The following SPATA21 variants were observed in gnomAD, a reference collection of about 807,000 sequenced individuals.
The protein encoded by SPATA21 is spermatogenesis-associated protein 21.
SPATA21 carries 47 observed loss-of-function variants against 54.8 expected under a neutral mutation model. That is an observed-to-expected ratio of 0.86 (90% CI 0.68 to 1.09). SPATA21 has a LOEUF of 1.09. SPATA21 is among the 50% of genes least tolerant of loss of function. The probability of loss-of-function intolerance (pLI) is 0.00; values close to 1 mark genes in which losing one functional copy is unlikely to be tolerated. For missense variants in SPATA21, 599 were observed against 596.4 expected (o/e 1.00, Z -0.05); for synonymous variants, 245 against 235.3 (o/e 1.04, Z -0.38).
At chr1:16,406,550 T>C (rs1217391230) in intron 7 of SPATA21, among the ~76,000 whole-genome samples, 7 of 152,104 alleles carry the variant, frequency 4.6e-5, no homozygotes, top group Non-Finnish European at 1.0e-4. Flanking sequence ...GAGAACAGCC[T>C]GGGCAACATA....
intron 10 of SPATA21, among the ~76,000 whole-genome samples, chr1:16,401,427 T>C (rs997508649): frequency 3.9e-5 from 6 of 152,098 alleles, no homozygotes. Flanking sequence ...TCTTGAGTAG[T>C]TGGGACCATA....
intron 10 of SPATA21, among the ~76,000 whole-genome samples, chr1:16,401,418 C>G (rs372603867): frequency 3.8e-4 from 58 of 152,260 alleles, no homozygotes; most frequent in South Asian, 2.5e-3. Flanking sequence ...GCCCTAGCCT[C>G]TTGAGTAGTT....
At chr1:16,417,541 C>T (rs915722372) in intron 5 of SPATA21, among the ~76,000 whole-genome samples, 5 of 151,566 alleles carry the variant, frequency 3.3e-5, no homozygotes, top group African/African-American at 4.9e-5. Flanking sequence ...CAGGTTCAAG[C>T]GATTCTCTCT....
rs1014870062 is a variant in SPATA21 at position 16,409,275 on chromosome 1, G to T, written c.588-72C>A. On this transcript the variant is annotated intron_variant, in intron 6 of 12. Coordinates refer to ENST00000335496, the MANE Select transcript of SPATA21 (RefSeq NM_198546.1). The surrounding 1 kb of genome is among the most constrained non-coding windows in gnomAD (Gnocchi z 4.1). ...CCTGCTGATAGCTAGGGGAGGGGTT[G>T]GGGGAGCCTGCAGGAGGAGGTCGTG... is the stretch of plus-strand genomic sequence containing the variant. 9.0e-6 allele frequency: 14 copies of T among 1,554,482 alleles called. No homozygotes were observed. The highest frequency in any genetic ancestry group is 1.7e-4 in the Middle Eastern group (1 of 5,946).
At chr1:16,430,019 TTAG>T in intron 3 of SPATA21, among the ~76,000 whole-genome samples, 1 of 142,360 alleles carries the variant, frequency 7.0e-6, no homozygotes, top group African/African-American at 2.6e-5. Context: ...ACAAAAAAAA[TTAG>T]ACGGAAATCA....
rs565795315 is a variant in SPATA21, at chr1:16,409,718, G to C, written c.470C>G (p.Pro157Arg). 5 of 1,611,944 alleles carry C rather than the reference G, an allele frequency of 3.1e-6. No individual in the cohort carries two copies. The South Asian group carries it at 3.3e-5, about 11-fold the overall frequency. Residue 157 changes from proline (P) to arginine (R), a missense_variant, in exon 6 of 13, where the codon CCG (proline) becomes CGG (arginine). By Grantham distance (103) the Pro-to-Arg change is moderately radical. Coordinates refer to ENST00000335496, the MANE Select transcript of SPATA21 (RefSeq NM_198546.1). This position sits in a 1 kb window ranked among gnomAD's most constrained non-coding sequence, Gnocchi z 4.1. ...PGPEPAPMGA[P>R]VPTSMPCPVL... ...AGGGCAAGGCATGGAGGTGGGGACC[G>C]GGGCTCCCATGGGGGCAGGTTCTGG...
intron 5 of SPATA21, among the ~76,000 whole-genome samples, chr1:16,416,656 G>T (rs1002769340): frequency 4.7e-5 from 7 of 148,718 alleles, no homozygotes; most frequent in African/African-American, 7.5e-5. Flanking sequence ...ACTCCAGCCT[G>T]GGCGACAGAG....
chr1:16,422,892 G>C (rs1248566752), intron 3 of SPATA21, among the ~76,000 whole-genome samples: 1 of 152,104 alleles, frequency 6.6e-6, no homozygotes, highest in Non-Finnish European at 1.5e-5. Flanking sequence ...GCCAGGTGTG[G>C]TGGTTCACAC....
chr1:16,424,222 A>G (rs1398415753), intron 3 of SPATA21, among the ~76,000 whole-genome samples: 1 of 6,578 alleles, frequency 1.5e-4, no homozygotes, highest in Non-Finnish European at 2.8e-4. Context: ...CTGAGGCAGG[A>G]GAATGGCATG....
Position 16,399,345 on chromosome 1 carries a change from T to A in SPATA21, c.1351A>T (p.Arg451Trp), listed in dbSNP as rs1312680824. Residue 451 changes from arginine to tryptophan, a missense_variant and splice_region_variant, in exon 12 of 13, where the codon AGG (arginine) becomes TGG (tryptophan). Coordinates refer to ENST00000335496, the MANE Select transcript of SPATA21 (RefSeq NM_198546.1). The stretch of plus-strand genomic sequence containing the variant: ...GGGACCCTTTCTCTGGGCACCCACC[T>A]GTTTCCTTGAGATCCTGACTGGAAG... The part of the protein sequence containing the change: ...PFFQSGSQGN[R>W]EHNSDSRKWL... 6.2e-7 allele frequency: 1 copy of A among 1,609,298 alleles called. No homozygotes were observed. Among genetic ancestry groups the A allele is most frequent in the East Asian group, 2.2e-5 (1 of 44,736 alleles).
intron 2 of SPATA21, 127 bp from the exon 3 acceptor site, chr1:16,431,549 G>C: frequency 2.4e-6 from 2 of 834,294 alleles, no homozygotes; most frequent in Non-Finnish European, 3.6e-6. Flanking sequence ...GCCTTGCAAG[G>C]AGAGGCACGC....
At chr1:16,398,875 C>A in intron 12 of SPATA21, 53 bp from the exon 13 acceptor site, 1 of 1,573,288 alleles carries the variant, frequency 6.4e-7, no homozygotes, top group Non-Finnish European at 8.7e-7. Flanking sequence ...CTTTCCCTAT[C>A]TGCCAGTATA....
At position 16,421,563 on chromosome 1, in the gene SPATA21, T is replaced by C. The variant is rs1054297724; in HGVS notation, c.96-6A>G. On this transcript the variant is annotated splice_region_variant and splice_polypyrimidine_tract_variant and intron_variant, in intron 4 of 12. Coordinates refer to ENST00000335496, the MANE Select transcript of SPATA21 (RefSeq NM_198546.1). The surrounding 1 kb of genome is among the most constrained non-coding windows in gnomAD (Gnocchi z 5.2). ...GGGTCTCCACAGCCTCACCCCTGAATAGAAGAGAAACCCCCAGGTGGGGGA... is the reference window on the plus strand; with the variant it reads ...GGGTCTCCACAGCCTCACCCCTGAACAGAAGAGAAACCCCCAGGTGGGGGA... 3.3e-5 allele frequency: 53 copies of C among 1,612,616 alleles called. No individual in the cohort carries two copies. The highest frequency in any genetic ancestry group is 4.2e-5 in the Non-Finnish European group (49 of 1,179,548).
chr1:16,400,535 A>G (rs2085411915), intron 11 of SPATA21, 185 bp downstream of exon 11: 5 of 1,391,716 alleles, frequency 3.6e-6, no homozygotes, highest in Non-Finnish European at 3.7e-6. Context: ...GGCCATTGTC[A>G]TAGGCCTGGA....
intron 8 of SPATA21, among the ~76,000 whole-genome samples, chr1:16,404,355 A>C (rs868283496): frequency 6.6e-6 from 1 of 152,148 alleles, no homozygotes; most frequent in African/African-American, 2.4e-5. Context: ...CTGTAATCCC[A>C]GCTACTTGGG....
chr1:16,399,279 G>C (rs1385114797), intron 12 of SPATA21, 65 bp downstream of exon 12: 57 of 1,502,464 alleles, frequency 3.8e-5, no homozygotes, highest in Non-Finnish European at 4.8e-5. Context: ...CAGGCATTAG[G>C]CCAGGGGCCT....
At chr1:16,435,479 A>G (rs2086563638) in intron 1 of SPATA21, among the ~76,000 whole-genome samples, 1 of 151,766 alleles carries the variant, frequency 6.6e-6, no homozygotes, top group Non-Finnish European at 1.5e-5. Context: ...ACCACACCAG[A>G]CTAATTTTTG....
In SPATA21 at chr1:16,409,071, C is replaced by A. The variant is rs1557651731; in HGVS notation, c.673+47G>T. On this transcript the variant is annotated intron_variant, in intron 7 of 12. Coordinates refer to ENST00000335496, the MANE Select transcript of SPATA21 (RefSeq NM_198546.1). This position sits in a 1 kb window ranked among gnomAD's most constrained non-coding sequence, Gnocchi z 4.1. ...CCTGCGCCTATAAACCCCCAAGGACCAAGGGTCCTGCCTGTGCTGGGACCT... is the reference window on the plus strand; with the variant it reads ...CCTGCGCCTATAAACCCCCAAGGACAAAGGGTCCTGCCTGTGCTGGGACCT... 1.2e-6 allele frequency: 2 copies of A among 1,604,338 alleles called. No individual in the cohort carries two copies. The highest frequency in any genetic ancestry group is 1.7e-6 in the Non-Finnish European group (2 of 1,171,498).
At chr1:16,414,693 G>A (rs1056256153) in intron 5 of SPATA21, among the ~76,000 whole-genome samples, 1 of 151,744 alleles carries the variant, frequency 6.6e-6, no homozygotes, top group Non-Finnish European at 1.5e-5. Flanking sequence ...TTGGGAGTTC[G>A]AGACCAGCCT....
Sources: allele counts gnomAD v4.1 joint callset (sites outside exome capture counted in the v4.1 genomes callset), GRCh38; gene constraint gnomAD v4.1.1; non-coding constraint Gnocchi (gnomAD v3.1); transcripts MANE v1.5; gene names NCBI Gene and HGNC (gene_info 2026-07-23, HGNC 2026-07-21).